MICAL3: variants seen among roughly 807,000 people sequenced by gnomAD.
MICAL3 encodes microtubule associated monooxygenase, calponin and LIM domain containing 3, also known as [F-actin]-monooxygenase MICAL3.
MICAL3 carries 62 observed loss-of-function variants against 207.4 expected under a neutral mutation model. The observed-to-expected ratio is 0.30, with a 90% CI of 0.24 to 0.37. The LOEUF is 0.37. Among genes scored for constraint, MICAL3 ranks in the 10% least tolerant of loss-of-function variants. The pLI is 1.00. For synonymous variants in MICAL3, 1,077 were observed against 1,069.3 expected (o/e 1.01, Z -0.14); for missense variants, 2,368 against 2,635.6 (o/e 0.90, Z 2.22).
At chr22:17,837,905 C>T (rs192774887) in intron 20 of MICAL3, among the ~76,000 whole-genome samples, 47 of 152,322 alleles carry the variant, frequency 3.1e-4, no homozygotes, top group Middle Eastern at 3.4e-3. Flanking sequence ...AGGCAGTGAA[C>T]TCCTGGGCAC....
At chr22:17,891,323 A>T (rs1389297437) in intron 12 of MICAL3, among the ~76,000 whole-genome samples, 162 bp downstream of exon 12, 2 of 152,242 alleles carry the variant, frequency 1.3e-5, no homozygotes, top group Non-Finnish European at 2.9e-5. Flanking sequence ...AATACATGAC[A>T]TACAGAGTTT....
In MICAL3 at chr22:17,821,506, G is replaced by C. The variant is rs577126533; in HGVS notation, c.3452C>G (p.Pro1151Arg). ...PASPKHQERG[P>R]SQATSPIRSP... is the part of the protein sequence containing the mutation. ...CCGGATGGGGCTGGTGGCTTGGGAGGGACCTGAAAAGAATGAACACAGGGA... is the reference window on the plus strand; with the variant it reads ...CCGGATGGGGCTGGTGGCTTGGGAGCGACCTGAAAAGAATGAACACAGGGA... The change falls in exon 25 of 32, where the codon CCC becomes CGC. Residue 1151 changes from proline (P) to arginine (R), a missense_variant. Around this residue, in one of 4 missense-constraint regions of MICAL3, gnomAD observed 1,770 missense variants for 1,863.2 expected, o/e 0.95. Coordinates refer to ENST00000441493, the MANE Select transcript of MICAL3 (RefSeq NM_015241.3). The C allele has an allele frequency of 3.9e-6, 6 of 1,538,494 alleles. No homozygotes were observed. The South Asian group carries it at 6.1e-5, about 16-fold the overall frequency.
At chr22:17,791,130 C>A (rs924077761) in intron 30 of MICAL3, 59 bp from the exon 31 acceptor site, 10 of 1,604,356 alleles carry the variant, frequency 6.2e-6, no homozygotes, top group African/African-American at 1.3e-5. Flanking sequence ...CCCCTCACCC[C>A]CAAATCTGGA....
intron 1 of MICAL3, among the ~76,000 whole-genome samples, chr22:18,023,731 A>G (rs930436684): frequency 2.6e-5 from 4 of 152,148 alleles, no homozygotes; most frequent in African/African-American, 7.2e-5. Flanking sequence ...CGTGTGCGCC[A>G]CTGGTCCTGG....
intron 13 of MICAL3, 55 bp from the exon 14 acceptor site, chr22:17,887,490 C>T (rs1930024161): frequency 8.0e-7 from 1 of 1,244,242 alleles, no homozygotes; most frequent in Non-Finnish European, 1.2e-6. Flanking sequence ...GCCGCAAAAT[C>T]CTGACCAAAA....
At chr22:17,988,657 C>T (rs1921310840) in intron 1 of MICAL3, among the ~76,000 whole-genome samples, 1 of 152,102 alleles carries the variant, frequency 6.6e-6, no homozygotes, top group South Asian at 2.1e-4. Context: ...GGGGTTTCAC[C>T]ATCTTGGCCA....
At chr22:17,946,963 T>TC (rs1300790475) in intron 1 of MICAL3, among the ~76,000 whole-genome samples, 2 of 152,202 alleles carry the variant, frequency 1.3e-5, no homozygotes, top group African/African-American at 4.8e-5. Flanking sequence ...GGCCCTGCTA[T>TC]CGCCTCTCCA....
chr22:17,828,321 G>A (rs773451997), intron 21 of MICAL3, among the ~76,000 whole-genome samples: 1 of 152,254 alleles, frequency 6.6e-6, no homozygotes, highest in South Asian at 2.1e-4. Flanking sequence ...TCATTCTGCC[G>A]CCAGCCGGCC....
At chr22:17,879,289 G>T in intron 16 of MICAL3, 1 of 1,485,450 alleles carries the variant, frequency 6.7e-7, no homozygotes, top group East Asian at 2.3e-5. Context: ...CACCACCACA[G>T]CGTGCCCCGT....
At chr22:17,968,152 G>A (rs1478901366) in intron 1 of MICAL3, among the ~76,000 whole-genome samples, 2 of 152,192 alleles carry the variant, frequency 1.3e-5, no homozygotes, top group East Asian at 3.9e-4. Flanking sequence ...TGGATCTGAG[G>A]AGATCCTGAA....
chr22:17,918,222 A>G (rs1477034990), intron 1 of MICAL3, among the ~76,000 whole-genome samples: 9 of 152,150 alleles, frequency 5.9e-5, no homozygotes, highest in Non-Finnish European at 1.3e-4. Context: ...TCGAGGCTGC[A>G]GTGAGCTACG....
rs750095812 is a variant in MICAL3, at chr22:17,819,118, G to C, written c.3543C>G (p.Leu1181=). The change falls in exon 26 of 32, where the codon CTC becomes CTG. Residue 1181 remains leucine, a synonymous_variant. Coordinates refer to ENST00000441493, the MANE Select transcript of MICAL3 (RefSeq NM_015241.3). ...CCTGGGTGGCGGCAGGGACAGGTGG[G>C]AGTTGGGGCCCCTACAGGGAAGGAA... ...VHSPSTEGPQ[L]PPVPAATQEK... 8 of 1,491,532 alleles carry C rather than the reference G, an allele frequency of 5.4e-6. No homozygotes were observed. Among genetic ancestry groups the C allele is most frequent in the Non-Finnish European group, 1.8e-6 (2 of 1,117,676 alleles). The allele number at this position is 1,491,532 out of a possible 1,614,324, so 92.4% of individuals were successfully genotyped here.
intron 28 of MICAL3, 46 bp from the exon 29 acceptor site, chr22:17,808,983 T>C: frequency 6.7e-7 from 1 of 1,483,948 alleles, no homozygotes; most frequent in Non-Finnish European, 9.1e-7. Flanking sequence ...CCAGCCCTGC[T>C]TCAGGAGGAC....
intron 19 of MICAL3, among the ~76,000 whole-genome samples, chr22:17,851,272 G>A (rs993796465): frequency 5.3e-5 from 8 of 152,144 alleles, no homozygotes; most frequent in African/African-American, 1.9e-4. Context: ...CAAATCCTAA[G>A]GGGCAGGTGA....
chr22:17,991,841 CA>C (rs34548917), intron 1 of MICAL3, among the ~76,000 whole-genome samples: 64 of 152,214 alleles, frequency 4.2e-4, no homozygotes, highest in Non-Finnish European at 7.6e-4. Flanking sequence ...AGAAATACTT[CA>C]GGGAGATGGA....
intron 1 of MICAL3, among the ~76,000 whole-genome samples, chr22:17,984,946 T>A (rs1163509534): frequency 4.0e-5 from 6 of 151,796 alleles, no homozygotes; most frequent in Admixed American, 3.9e-4. Context: ...TCAGTAAGCA[T>A]GAGTGAGCAA....
chr22:17,892,163 G>A (rs909516705), intron 11 of MICAL3, among the ~76,000 whole-genome samples: 1 of 152,188 alleles, frequency 6.6e-6, no homozygotes, highest in Non-Finnish European at 1.5e-5. Context: ...AGCCCTGCAG[G>A]GCTCCGCTGA....
rs1162991536 is a variant in MICAL3 at position 17,856,750 on chromosome 22, T to C, written c.2605+8149A>G. ...CATTCTCCTGCCTCAGCCTCCCGAG[T>C]AGCTGGGACTACAGGCGCCCGCCAC... On this transcript the variant is annotated intron_variant, in intron 19 of 31. Coordinates refer to ENST00000441493, the MANE Select transcript of MICAL3 (RefSeq NM_015241.3). 2.0e-5 allele frequency among the ~76,000 whole-genome samples: 3 copies of C among 151,540 alleles called. No individual in the cohort carries two copies. The East Asian group carries it at 5.8e-4, about 30-fold the overall frequency.
Position 17,891,687 on chromosome 22 carries a change from A to G in MICAL3, c.1547-55T>C, listed in dbSNP as rs1273436495. 6 of 1,566,354 alleles carry G rather than the reference A, an allele frequency of 3.8e-6. No individual in the cohort carries two copies. In the East Asian group the frequency reaches 1.4e-4, roughly 35 times the overall value. On this transcript the variant is annotated intron_variant, in intron 11 of 31. Transcript: ENST00000441493. ...GGTGTGGTCACCTGGTAATGCTGACAGAGAATCCTCTTTGTAGGACACATG... is the reference window on the plus strand; with the variant it reads ...GGTGTGGTCACCTGGTAATGCTGACGGAGAATCCTCTTTGTAGGACACATG...
Sources: allele counts gnomAD v4.1 joint callset (sites outside exome capture counted in the v4.1 genomes callset), GRCh38; gene constraint gnomAD v4.1.1; regional missense constraint gnomAD v4.1.1; transcripts MANE v1.5; gene names NCBI Gene and HGNC (gene_info 2026-07-23, HGNC 2026-07-21).